The following PRKCE variants were observed in gnomAD, a reference collection of about 807,000 sequenced individuals.
PRKCE encodes the protein protein kinase C epsilon, also known as protein kinase C epsilon type.
PRKCE carries 16 observed loss-of-function variants against 85.4 expected under a neutral mutation model. The ratio of observed to expected loss-of-function variants is 0.19; its 90% confidence interval spans 0.13 to 0.28. The LOEUF (loss-of-function observed/expected upper bound fraction) is 0.28. Among genes scored for constraint, PRKCE ranks in the 10% least tolerant of loss-of-function variants. PRKCE has a pLI of 1.00. For synonymous variants in PRKCE, 388 were observed against 371.5 expected (o/e 1.04, Z -0.51); for missense variants, 573 against 975.2 (o/e 0.59, Z 5.49).
Position 46,145,326 on chromosome 2 carries a change from G to A in PRKCE, c.1731+95G>A, listed in dbSNP as rs892860416. 58 of 1,477,154 alleles carry A rather than the reference G, an allele frequency of 3.9e-5. No individual in the cohort carries two copies. The highest frequency in any genetic ancestry group is 5.3e-5 in the Non-Finnish European group (58 of 1,087,978). 91.5% of individuals were successfully genotyped at this position (1,477,154 alleles called of 1,614,324 possible). A position where few individuals can be genotyped will look rare whatever the true frequency, so the allele number is the denominator to read the frequency against. ...CTGGGGTCATCTAGTGGTGCTGGGGGAAGGCTCTGGAAATCCAGGATGGAT... is the reference window on the plus strand; with the variant it reads ...CTGGGGTCATCTAGTGGTGCTGGGGAAAGGCTCTGGAAATCCAGGATGGAT... On this transcript the variant is annotated intron_variant, in intron 12 of 14. Coordinates refer to ENST00000306156, the MANE Select transcript of PRKCE (RefSeq NM_005400.3). This position sits in a 1 kb window ranked among gnomAD's most constrained non-coding sequence, Gnocchi z 4.6.
Position 45,652,192 on chromosome 2 carries a change from C to A in PRKCE, c.92C>A (p.Pro31His). 6.2e-7 allele frequency: 1 copy of A among 1,613,498 alleles called. No homozygotes were observed. Among genetic ancestry groups the A allele is most frequent in the Non-Finnish European group, 8.5e-7 (1 of 1,179,906 alleles). The change falls in exon 1 of 15, where the codon CCC (proline) becomes CAC (histidine). Residue 31 changes from proline to histidine, a missense_variant. By Grantham distance (77) the Pro-to-His change is moderately conservative (BLOSUM62 -2). Coordinates refer to ENST00000306156, the MANE Select transcript of PRKCE (RefSeq NM_005400.3). The surrounding 1 kb of genome is among the most constrained non-coding windows in gnomAD (Gnocchi z 7.7). Reference sequence around the variant, plus strand: ...TGGTCGCTGCGCCATGCGGTGGGACCCCGGCCGCAGACTTTCCTTCTCGAC... The same window carrying A: ...TGGTCGCTGCGCCATGCGGTGGGACACCGGCCGCAGACTTTCCTTCTCGAC... ...TAWSLRHAVG[P>H]RPQTFLLDPY...
intron 10 of PRKCE, among the ~76,000 whole-genome samples, chr2:46,022,916 T>A (rs1706789896): frequency 6.6e-6 from 1 of 151,758 alleles, no homozygotes; most frequent in Admixed American, 6.6e-5. Flanking sequence ...ATCCCGTCTC[T>A]ACTAAAAATA....
chr2:45,655,173 A>C (rs183076225), intron 1 of PRKCE, among the ~76,000 whole-genome samples: 36 of 152,256 alleles, frequency 2.4e-4, no homozygotes, highest in Admixed American at 4.6e-4. Flanking sequence ...CCAGAGGAAA[A>C]TGAGGCCCTG....
chr2:45,876,453 A>T (rs558218363), intron 2 of PRKCE, among the ~76,000 whole-genome samples: 108 of 152,300 alleles, frequency 7.1e-4, no homozygotes, highest in South Asian at 1.2e-3. Flanking sequence ...TTTGTGTTTA[A>T]ATTTATAGTC....
chr2:45,709,183 T>G (rs1326083115), intron 1 of PRKCE, among the ~76,000 whole-genome samples: 1 of 152,194 alleles, frequency 6.6e-6, no homozygotes, highest in Non-Finnish European at 1.5e-5. Context: ...AAGAGGTTAG[T>G]AGGGCCTACC....
At chr2:46,121,311 C>T (rs1399661090) in intron 11 of PRKCE, among the ~76,000 whole-genome samples, 2 of 152,254 alleles carry the variant, frequency 1.3e-5, no homozygotes, top group South Asian at 2.1e-4. Flanking sequence ...GTAAAGTAGG[C>T]GTTGTATTGT....
chr2:45,919,140 C>G (rs1698059484), intron 2 of PRKCE, among the ~76,000 whole-genome samples: 1 of 152,086 alleles, frequency 6.6e-6, no homozygotes, highest in South Asian at 2.1e-4. Context: ...AACAAGACAT[C>G]AGGGGTAGGG....
intron 1 of PRKCE, among the ~76,000 whole-genome samples, chr2:45,724,771 C>G (rs1680915446): frequency 6.6e-6 from 1 of 152,206 alleles, no homozygotes; most frequent in South Asian, 2.1e-4. Context: ...GAGCAAGGCC[C>G]TAACTCTCTT....
chr2:45,851,569 C>G (rs1321233052), intron 2 of PRKCE: 2 of 152,122 alleles, frequency 1.3e-5, no homozygotes, highest in African/African-American at 4.8e-5. Context: ...CATTTCTTGT[C>G]AAGCTTATTA....
rs146029977 is a variant in PRKCE, at chr2:46,057,233, C to T, written c.1438-28975C>T. On this transcript the variant is annotated intron_variant, in intron 10 of 14. Coordinates refer to ENST00000306156, the MANE Select transcript of PRKCE (RefSeq NM_005400.3). Reference sequence around the variant, plus strand: ...CTTCATGACGTACTCTCAGAAGTCACATAGCATTGCTTCTGCAAAAATAAT... The same window carrying T: ...CTTCATGACGTACTCTCAGAAGTCATATAGCATTGCTTCTGCAAAAATAAT... Among the ~76,000 whole-genome samples the T allele has an allele frequency of 1.4e-3, 216 of 152,288 alleles. 1 individual carries two copies. The highest frequency in any genetic ancestry group is 4.7e-3 in the African/African-American group (196 of 41,568).
chr2:46,089,485 C>T (rs1265757118), intron 11 of PRKCE, among the ~76,000 whole-genome samples: 4 of 152,188 alleles, frequency 2.6e-5, no homozygotes, highest in African/African-American at 9.7e-5. Flanking sequence ...CAATGGCTGC[C>T]CACAATTCTT....
intron 1 of PRKCE, among the ~76,000 whole-genome samples, chr2:45,802,640 A>C (rs533575739): frequency 4.4e-4 from 67 of 152,350 alleles, no homozygotes; most frequent in Middle Eastern, 3.4e-3. Flanking sequence ...CCCTCCAGGG[A>C]AGTCAGTCAC....
chr2:46,101,876 A>C (rs1334213787), intron 11 of PRKCE, among the ~76,000 whole-genome samples: 4 of 152,016 alleles, frequency 2.6e-5, no homozygotes, highest in South Asian at 4.1e-4. Context: ...AAAAAAAAAA[A>C]AAAAAAACCC....
rs915401960 is a variant in PRKCE at position 46,004,524 on chromosome 2, G to A, written c.967-18G>A. 6.4e-7 allele frequency: 1 copy of A among 1,560,262 alleles called. No homozygotes were observed. The highest frequency in any genetic ancestry group is 1.3e-5 in the African/African-American group (1 of 74,330). On this transcript the variant is annotated intron_variant, in intron 7 of 14. Transcript: ENST00000306156. The surrounding 1 kb of genome is among the most constrained non-coding windows in gnomAD (Gnocchi z 4.1). ...CCTCCCTTCTGATGCCTCTGTCCCT[G>A]CTTTCTCTCCTCTCTAGCTCATTGC...
intron 1 of PRKCE, among the ~76,000 whole-genome samples, chr2:45,728,523 A>G (rs894015543): frequency 3.3e-5 from 5 of 152,094 alleles, no homozygotes; most frequent in South Asian, 2.1e-4. Flanking sequence ...TGCAAGTGCT[A>G]TTGGGTGTCA....
intron 2 of PRKCE, among the ~76,000 whole-genome samples, chr2:45,976,209 G>T (rs1345958152): frequency 6.6e-6 from 1 of 152,132 alleles, no homozygotes; most frequent in Non-Finnish European, 1.5e-5. Context: ...GGATATAGCA[G>T]GAATAGGCAC....
In PRKCE at chr2:45,789,977, G is replaced by A. The variant is rs183253741; in HGVS notation, c.349-53023G>A. Among the ~76,000 whole-genome samples the A allele has an allele frequency of 1.2e-3, 178 of 152,208 alleles. 2 individuals are homozygous for A. The Middle Eastern group carries it at 0.017, about 15-fold the overall frequency. ...AAGGAAAGAAGAGCTTTGATCAAAC[G>A]CCTGGGACACCAAAGATTTATCTCT... is the stretch of plus-strand genomic sequence containing the variant. On this transcript the variant is annotated intron_variant, in intron 1 of 14. Transcript: ENST00000306156.
intron 10 of PRKCE, among the ~76,000 whole-genome samples, chr2:46,047,384 G>A (rs971319123): frequency 1.3e-5 from 2 of 152,184 alleles, no homozygotes; most frequent in African/African-American, 4.8e-5. Context: ...CTTTTATACA[G>A]CAATGAAGAC....
Position 45,876,101 on chromosome 2 carries a change from C to T in PRKCE, c.412+33038C>T, listed in dbSNP as rs116304455. Among the ~76,000 whole-genome samples the T allele has an allele frequency of 4.9e-3, 739 of 152,322 alleles. 3 individuals carry two copies. Among genetic ancestry groups the T allele is most frequent in the Non-Finnish European group, 8.1e-3 (550 of 68,026 alleles). ...AGAATTCTCATTTCTTTGGACATTA[C>T]TGAGTACCTGTATTTAAGATAATAA... On this transcript the variant is annotated intron_variant, in intron 2 of 14. Coordinates refer to ENST00000306156, the MANE Select transcript of PRKCE (RefSeq NM_005400.3).
Sources: gnomAD v4.1 joint callset for allele counts (sites outside exome capture counted in the v4.1 genomes callset) on GRCh38, gnomAD v4.1.1 for gene constraint, Gnocchi (gnomAD v3.1) non-coding constraint, MANE v1.5 for transcripts, NCBI Gene and HGNC (gene_info 2026-07-23, HGNC 2026-07-21) for gene names.